Variants in GRM5 observed in about 807,000 individuals in gnomAD.
The protein encoded by GRM5 is glutamate metabotropic receptor 5.
Under a neutral mutation model 83.1 loss-of-function variants are expected in GRM5, and 19 were observed. The ratio of observed to expected loss-of-function variants is 0.23; its 90% CI spans 0.16 to 0.34. The LOEUF is 0.34. Ranked by LOEUF, GRM5 falls within the 10% of genes least tolerant of loss-of-function variation. The probability of loss-of-function intolerance (pLI) is 1.00; values close to 1 mark genes in which losing one functional copy is unlikely to be tolerated. For synonymous variants in GRM5, 675 were observed against 633.6 expected, an observed-to-expected ratio of 1.07 and a Z score of -0.98; for missense variants, 1,160 against 1,588.3, an observed-to-expected ratio of 0.73 and a Z score of 4.58.
intron 8 of GRM5, among the ~76,000 whole-genome samples, chr11:88,566,371 A>G (rs545580884): frequency 6.6e-6 from 1 of 152,334 alleles, no homozygotes; most frequent in East Asian, 1.9e-4. Context: ...GAAATGGTCG[A>G]ATAACTACTA....
chr11:88,780,316 A>G (rs1942949341), intron 3 of GRM5, among the ~76,000 whole-genome samples: 1 of 152,160 alleles, frequency 6.6e-6, no homozygotes, highest in Non-Finnish European at 1.5e-5. Context: ...AATTTCTAAA[A>G]TATTTATAAA....
At chr11:88,899,696 A>C (rs1307631279) in intron 2 of GRM5, among the ~76,000 whole-genome samples, 1 of 152,016 alleles carries the variant, frequency 6.6e-6, no homozygotes, top group Non-Finnish European at 1.5e-5. Context: ...CTGAAAAAAA[A>C]ATCTGAAGTG....
intron 2 of GRM5, among the ~76,000 whole-genome samples, chr11:89,038,978 A>T (rs1194686190): frequency 6.6e-6 from 1 of 152,136 alleles, no homozygotes; most frequent in Non-Finnish European, 1.5e-5. Context: ...AAAATATAGT[A>T]TATATGGTCA....
chr11:88,997,855 T>C (rs1940240752), intron 2 of GRM5, among the ~76,000 whole-genome samples: 1 of 152,154 alleles, frequency 6.6e-6, no homozygotes, highest in South Asian at 2.1e-4. Context: ...ATGATTTCCC[T>C]GGAGAAATTT....
At chr11:89,011,237 G>C (rs1003022708) in intron 2 of GRM5, among the ~76,000 whole-genome samples, 1 of 151,728 alleles carries the variant, frequency 6.6e-6, no homozygotes, top group Non-Finnish European at 1.5e-5. Flanking sequence ...TTCTTCATGA[G>C]CTTTACTTTC....
chr11:88,529,151 G>A (rs941884379), intron 8 of GRM5, among the ~76,000 whole-genome samples: 4 of 151,994 alleles, frequency 2.6e-5, no homozygotes, highest in African/African-American at 9.6e-5. Flanking sequence ...GTACCAGGCA[G>A]GTTTAGTTGA....
At chr11:88,961,362 ATTT>A (rs5793371) in intron 2 of GRM5, among the ~76,000 whole-genome samples, 68 of 144,430 alleles carry the variant, frequency 4.7e-4, no homozygotes, top group African/African-American at 1.6e-3. Context: ...ATGTTACAGC[ATTT>A]TTTTTTTTTT....
chr11:89,011,844 G>A (rs977418697), intron 2 of GRM5, among the ~76,000 whole-genome samples: 1 of 152,094 alleles, frequency 6.6e-6, no homozygotes, highest in Non-Finnish European at 1.5e-5. Context: ...CTACATTATA[G>A]CAATGTTATT....
At chr11:89,055,108 C>T (rs1164018594) in intron 1 of GRM5, among the ~76,000 whole-genome samples, 1 of 152,180 alleles carries the variant, frequency 6.6e-6, no homozygotes, top group Non-Finnish European at 1.5e-5. Context: ...CTGTTTTATT[C>T]CAATGGCTTT....
chr11:88,689,953 C>T (rs774315249), intron 3 of GRM5, among the ~76,000 whole-genome samples: 35 of 151,878 alleles, frequency 2.3e-4, no homozygotes, highest in Admixed American at 7.9e-4. Context: ...TTTAAAGTTC[C>T]TTCCTTATGC....
chr11:88,738,589 G>A (rs1334461943), intron 3 of GRM5, among the ~76,000 whole-genome samples: 1 of 152,006 alleles, frequency 6.6e-6, no homozygotes, highest in Non-Finnish European at 1.5e-5. Flanking sequence ...AATACCTGTG[G>A]AATACTTCTT....
intron 4 of GRM5, among the ~76,000 whole-genome samples, chr11:88,639,239 G>T (rs554534214): frequency 1.3e-5 from 2 of 152,078 alleles, no homozygotes; most frequent in Non-Finnish European, 2.9e-5. Flanking sequence ...TGAATACTCC[G>T]CTGAATGCTC....
At chr11:88,600,287 T>TCCCTCG (rs1937944028) in intron 5 of GRM5, among the ~76,000 whole-genome samples, 1 of 129,726 alleles carries the variant, frequency 7.7e-6, no homozygotes, top group African/African-American at 2.9e-5. Context: ...CTTCTCCCTC[T>TCCCTCG]CCCCCACCCC....
chr11:88,738,495 CAAA>C (rs1565208402), intron 3 of GRM5, among the ~76,000 whole-genome samples: 1 of 152,094 alleles, frequency 6.6e-6, no homozygotes, highest in Non-Finnish European at 1.5e-5. Flanking sequence ...TCTGCTTCTG[CAAA>C]TGTGAAGAGC....
chr11:88,649,395 T>C (rs1394520535), intron 4 of GRM5, among the ~76,000 whole-genome samples: 2 of 142,454 alleles, frequency 1.4e-5, no homozygotes, highest in African/African-American at 2.6e-5. Flanking sequence ...TTATATATTA[T>C]ATATTGCATA....
intron 2 of GRM5, among the ~76,000 whole-genome samples, chr11:88,939,481 T>C (rs1444238465): frequency 5.9e-5 from 9 of 151,792 alleles, no homozygotes; most frequent in Non-Finnish European, 1.2e-4. Context: ...GTGTGTATTT[T>C]AGCTGCATAT....
chr11:88,972,715 C>T (rs1009002822), intron 2 of GRM5, among the ~76,000 whole-genome samples: 3 of 152,100 alleles, frequency 2.0e-5, no homozygotes, highest in Admixed American at 2.0e-4. Context: ...GGAGTATTCA[C>T]ATAGTCTCAA....
chr11:88,822,118 G>C (rs1263824592), intron 3 of GRM5, among the ~76,000 whole-genome samples: 1 of 152,076 alleles, frequency 6.6e-6, no homozygotes, highest in African/African-American at 2.4e-5. Flanking sequence ...GTGAGCAACT[G>C]CCAAGTGCCA....
intron 3 of GRM5, among the ~76,000 whole-genome samples, chr11:88,789,345 A>G (rs184306902): frequency 7.8e-4 from 119 of 152,266 alleles, no homozygotes; most frequent in Middle Eastern, 3.4e-3. Context: ...TTTAAATAAC[A>G]TAAAAGCAAA....
Sources: gnomAD v4.1 joint callset for allele counts (sites outside exome capture counted in the v4.1 genomes callset) on GRCh38, gnomAD v4.1.1 for gene constraint, MANE v1.5 for transcripts, NCBI Gene and HGNC (gene_info 2026-07-23, HGNC 2026-07-21) for gene names.